SKAP2: variants seen among roughly 807,000 people sequenced by gnomAD.
The protein encoded by SKAP2 is src kinase associated phosphoprotein 2, also known as src kinase-associated phosphoprotein 2.
In SKAP2, 28 loss-of-function variants were observed where a neutral mutation model predicts 54.9. The observed-to-expected ratio is 0.51, with a 90% confidence interval of 0.38 to 0.70. SKAP2 has a LOEUF of 0.70. Among genes scored for constraint, SKAP2 ranks in the 30% least tolerant of loss-of-function variants. The probability of loss-of-function intolerance (pLI) is 0.00; values close to 1 mark genes in which losing one functional copy is unlikely to be tolerated. For synonymous variants in SKAP2, 137 were observed against 134.3 expected, an observed-to-expected ratio of 1.02 and a Z score of -0.14; for missense variants, 356 against 424.1, an observed-to-expected ratio of 0.84 and a Z score of 1.41.
chr7:26,805,794 AG>A (rs1784013382), intron 4 of SKAP2, among the ~76,000 whole-genome samples: 1 of 152,246 alleles, frequency 6.6e-6, no homozygotes, highest in Non-Finnish European at 1.5e-5. Flanking sequence ...TGAGAATAAA[AG>A]GTTTATTACT....
intron 10 of SKAP2, among the ~76,000 whole-genome samples, chr7:26,688,237 A>G (rs1251458339): frequency 6.6e-6 from 1 of 152,202 alleles, no homozygotes; most frequent in Non-Finnish European, 1.5e-5. Context: ...TTAGAAAGGT[A>G]AATATATTCT....
At chr7:26,809,958 T>C (rs1231118357) in intron 4 of SKAP2, among the ~76,000 whole-genome samples, 2 of 152,218 alleles carry the variant, frequency 1.3e-5, no homozygotes, top group Non-Finnish European at 2.9e-5. Flanking sequence ...TGTGCCAATA[T>C]GGATGAACCT....
At chr7:26,725,357 A>AAC (rs112271894) in intron 9 of SKAP2, 71 bp downstream of exon 9, 73 of 1,114,762 alleles carry the variant, frequency 6.5e-5, no homozygotes, top group South Asian at 1.6e-4. Flanking sequence ...CACACACACA[A>AAC]ACACACACAC....
Position 26,728,041 on chromosome 7 carries a change from T to C in SKAP2, c.470-1035A>G, listed in dbSNP as rs1012439963. 2.7e-5 allele frequency among the ~76,000 whole-genome samples: 4 copies of C among 150,812 alleles called. No individual in the cohort carries two copies. In the South Asian group the frequency reaches 8.3e-4, roughly 31 times the overall value. On this transcript the variant is annotated intron_variant, in intron 6 of 12. Coordinates refer to ENST00000345317, the MANE Select transcript of SKAP2 (RefSeq NM_003930.5). ...TTAAATGCCTAAAGTAACTAACATA[T>C]GTTAGGTCATAGAGATTATATCTTG...
At chr7:26,680,017 T>C (rs1048516771) in intron 11 of SKAP2, among the ~76,000 whole-genome samples, 1 of 152,242 alleles carries the variant, frequency 6.6e-6, no homozygotes, top group Non-Finnish European at 1.5e-5. Context: ...GCAAAGCTAG[T>C]CGCATATGCC....
rs563911024 is a variant in SKAP2, at chr7:26,845,625, T to C, written c.200-1488A>G. 2.0e-5 allele frequency among the ~76,000 whole-genome samples: 3 copies of C among 152,312 alleles called. No homozygotes were observed. The East Asian group carries it at 5.8e-4, about 29-fold the overall frequency. On this transcript the variant is annotated intron_variant, in intron 3 of 12. Transcript: ENST00000345317. ...AACACTCAATGATCCCTTACAATATTTCTCTTATGAAAAGAAGAGTGCTAG... is the reference window on the plus strand; with the variant it reads ...AACACTCAATGATCCCTTACAATATCTCTCTTATGAAAAGAAGAGTGCTAG...
At chr7:26,749,014 A>G (rs1782621454) in intron 4 of SKAP2, among the ~76,000 whole-genome samples, 1 of 152,174 alleles carries the variant, frequency 6.6e-6, no homozygotes, top group Non-Finnish European at 1.5e-5. Flanking sequence ...GATAGCACTT[A>G]AGATAACTCT....
intron 6 of SKAP2, 81 bp from the exon 7 acceptor site, chr7:26,727,087 A>T: frequency 8.6e-7 from 1 of 1,161,624 alleles, no homozygotes; most frequent in East Asian, 2.6e-5. Flanking sequence ...TTCTTCATCA[A>T]TTCTTGGAAA....
Position 26,711,760 on chromosome 7 carries a change from T to C in SKAP2, c.796+13668A>G, listed in dbSNP as rs141120835. ...AAGGTTAATGAGCAAGGGATTAATT[T>C]GACCATGTTATATTTTAGGAAATCA... On this transcript the variant is annotated intron_variant, in intron 9 of 12. Transcript: ENST00000345317. 4.5e-4 allele frequency among the ~76,000 whole-genome samples: 69 copies of C among 152,340 alleles called. No individual in the cohort carries two copies. In the Middle Eastern group the frequency reaches 0.014, roughly 30 times the overall value.
chr7:26,810,674 T>C (rs1353734549), intron 4 of SKAP2, among the ~76,000 whole-genome samples: 1 of 152,104 alleles, frequency 6.6e-6, no homozygotes, highest in African/African-American at 2.4e-5. Context: ...TATATATATA[T>C]ACATGTTTTT....
intron 9 of SKAP2, among the ~76,000 whole-genome samples, chr7:26,704,269 T>C (rs1214455666): frequency 1.3e-5 from 2 of 152,116 alleles, no homozygotes. Flanking sequence ...AGCTTGCAAA[T>C]GGAAAAATCA....
rs1201354278 is a variant in SKAP2 at position 26,854,155 on chromosome 7, G to T, written c.181C>A (p.Gln61Lys). The T allele has an allele frequency of 6.3e-7, 1 of 1,582,918 alleles. No individual in the cohort carries two copies. Among genetic ancestry groups the T allele is most frequent in the Admixed American group, 1.8e-5 (1 of 55,610 alleles). ...KIKDVKSIYLQEFQDKGDAED... is the reference protein window; with the variant it reads ...KIKDVKSIYLKEFQDKGDAED... Reference sequence around the variant, plus strand: ...AACTTACCTTTGTCTTGAAATTCCTGAAGATAGCTACAAAACAAAGAACAT... The same window carrying T: ...AACTTACCTTTGTCTTGAAATTCCTTAAGATAGCTACAAAACAAAGAACAT... Residue 61 changes from glutamine to lysine, a missense_variant, in exon 3 of 13, where the codon CAG becomes AAG. Gln to Lys is a moderately conservative substitution (Grantham distance 53, BLOSUM62 1). Coordinates refer to ENST00000345317, the MANE Select transcript of SKAP2 (RefSeq NM_003930.5).
chr7:26,766,959 G>T (rs1783070718), intron 4 of SKAP2, among the ~76,000 whole-genome samples: 1 of 152,176 alleles, frequency 6.6e-6, no homozygotes, highest in Admixed American at 6.5e-5. Flanking sequence ...TCAGGTTTTG[G>T]TATCAAGATG....
At chr7:26,692,329 A>G (rs1484783245) in intron 9 of SKAP2, among the ~76,000 whole-genome samples, 1 of 152,200 alleles carries the variant, frequency 6.6e-6, no homozygotes, top group African/African-American at 2.4e-5. Context: ...TGTTTTCAAC[A>G]GGAGGAATTT....
intron 9 of SKAP2, among the ~76,000 whole-genome samples, chr7:26,690,583 T>C (rs1584333132): frequency 6.6e-6 from 1 of 152,186 alleles, no homozygotes. Flanking sequence ...ACTTTCCACA[T>C]AGCAAACTTT....
intron 4 of SKAP2, among the ~76,000 whole-genome samples, chr7:26,782,377 T>G (rs1156723280): frequency 1.3e-5 from 2 of 152,230 alleles, no homozygotes; most frequent in African/African-American, 4.8e-5. Context: ...GTGAACAGAT[T>G]GGTTAAAAGT....
chr7:26,690,543 A>G (rs969143660), intron 9 of SKAP2, among the ~76,000 whole-genome samples, 181 bp from the exon 10 acceptor site: 12 of 152,332 alleles, frequency 7.9e-5, no homozygotes, highest in African/African-American at 2.6e-4. Context: ...TAAATAAAAT[A>G]CTAGCTACTG....
At chr7:26,677,249 G>A (rs562877756) in intron 11 of SKAP2, among the ~76,000 whole-genome samples, 69 of 152,002 alleles carry the variant, frequency 4.5e-4, no homozygotes, top group Non-Finnish European at 8.2e-4. Flanking sequence ...AAAATTAGCC[G>A]GGCATGGTGG....
At chr7:26,849,798 AT>A (rs141427745) in intron 3 of SKAP2, among the ~76,000 whole-genome samples, 6,953 of 152,132 alleles carry the variant, frequency 0.046, 414 homozygotes, top group East Asian at 0.3. Context: ...ATAATTGATC[AT>A]TTTCCCCCAA....
Sources: gnomAD v4.1 joint callset for allele counts (sites outside exome capture counted in the v4.1 genomes callset) on GRCh38, gnomAD v4.1.1 for gene constraint, MANE v1.5 for transcripts, NCBI Gene and HGNC (gene_info 2026-07-23, HGNC 2026-07-21) for gene names.